Variants in B3GALNT1 observed in about 807,000 individuals in gnomAD.
B3GALNT1 encodes beta-1,3-N-acetylgalactosaminyltransferase 1 (Globoside blood group), also known as UDP-GalNAc:beta-1,3-N-acetylgalactosaminyltransferase 1.
Under a neutral mutation model 27.3 loss-of-function variants are expected in B3GALNT1, and 17 were observed. That is an observed-to-expected ratio of 0.62 (90% confidence interval 0.43 to 0.94). The LOEUF is 0.94. B3GALNT1 is among the 40% of genes least tolerant of loss of function. The pLI is 0.00. For synonymous variants in B3GALNT1, 141 were observed against 144.0 expected, an observed-to-expected ratio of 0.98 and a Z score of 0.15; for missense variants, 347 against 390.0, an observed-to-expected ratio of 0.89 and a Z score of 0.93.
At position 161,085,439 on chromosome 3, in the gene B3GALNT1, C is replaced by T. The variant is rs1286875938; in HGVS notation, c.*320G>A. 1.5e-5 allele frequency: 5 copies of T among 324,520 alleles called. No homozygotes were observed. The highest frequency in any genetic ancestry group is 2.9e-5 in the Non-Finnish European group (5 of 173,590). The allele number at this position is 324,520 out of a possible 1,614,324, so 20.1% of individuals were successfully genotyped here. A position where few individuals can be genotyped will look rare whatever the true frequency, so the allele number is the denominator to read the frequency against. On this transcript the variant is annotated 3_prime_UTR_variant, in exon 5 of 5. Transcript: ENST00000320474. The stretch of plus-strand genomic sequence containing the variant: ...CTCTACATTGTTTTGTTTTTACAGC[C>T]TAGTGAGCTTATAACTCAGTAACAC...
chr3:161,104,458 C>A lies in B3GALNT1; in HGVS notation c.-308-52G>T, dbSNP rs59776766. On this transcript the variant is annotated intron_variant, in intron 1 of 4. Transcript: ENST00000320474. Reference sequence around the variant, plus strand: ...TCATGAAAGCCCTGCAAATCTCCCTCCTAAATCCAACATTAAGAAGGCGAA... The same window carrying A: ...TCATGAAAGCCCTGCAAATCTCCCTACTAAATCCAACATTAAGAAGGCGAA... The A allele has an allele frequency of 9.3e-3, 8,042 of 860,684 alleles. 374 individuals are homozygous for A. The Admixed American group carries it at 0.11, about 12-fold the overall frequency. The allele number at this position is 860,684 out of a possible 1,614,324, so 53.3% of individuals were successfully genotyped here.
Position 161,091,861 on chromosome 3 carries a change from G to T in B3GALNT1, c.-34-5073C>A, listed in dbSNP as rs565770345. The stretch of plus-strand genomic sequence containing the variant: ...GACAGAATAAGAAAACTGTCATTTT[G>T]CAATCTTTCATGAAATTACTGATGA... On this transcript the variant is annotated intron_variant, in intron 4 of 4. Transcript: ENST00000320474. Among the ~76,000 whole-genome samples the T allele has an allele frequency of 3.3e-5, 5 of 152,236 alleles. No homozygotes were observed. In the East Asian group the frequency reaches 9.7e-4, roughly 29 times the overall value.
chr3:161,099,615 G>A (rs1404501987), intron 4 of B3GALNT1, among the ~76,000 whole-genome samples: 2 of 152,152 alleles, frequency 1.3e-5, no homozygotes, highest in African/African-American at 4.8e-5. Context: ...CAGAATTTTA[G>A]GACATTGGGC....
At chr3:161,088,693 C>T (rs368894410) in intron 4 of B3GALNT1, among the ~76,000 whole-genome samples, 7 of 152,316 alleles carry the variant, frequency 4.6e-5, no homozygotes, top group South Asian at 2.1e-4. Context: ...AACTCAGCCA[C>T]TAACGACTTG....
chr3:161,100,082 ATAAT>A (rs1431453068), intron 4 of B3GALNT1, among the ~76,000 whole-genome samples: 1 of 152,218 alleles, frequency 6.6e-6, no homozygotes, highest in African/African-American at 2.4e-5. Context: ...ATTATTTTGA[ATAAT>A]AAAATATGTA....
At chr3:161,101,016 T>A in intron 4 of B3GALNT1, 123 bp downstream of exon 4, 2 of 624,632 alleles carry the variant, frequency 3.2e-6, no homozygotes, top group Non-Finnish European at 5.0e-6. Flanking sequence ...GCCCTTCAAC[T>A]CCAAATGCCA....
At position 161,085,731 on chromosome 3, in the gene B3GALNT1, C is replaced by A. The variant is rs1721295141; in HGVS notation, c.*28G>T. ...TAACACTTTCCACAAAGTATCCTGTCCTTCTAGGCTTTTTGTAGAATGTGA... is the reference window on the plus strand; with the variant it reads ...TAACACTTTCCACAAAGTATCCTGTACTTCTAGGCTTTTTGTAGAATGTGA... On this transcript the variant is annotated 3_prime_UTR_variant, in exon 5 of 5. Transcript: ENST00000320474. The A allele has an allele frequency of 4.3e-6, 7 of 1,611,488 alleles. No individual in the cohort carries two copies. In the Middle Eastern group the frequency reaches 5.0e-4, roughly 114 times the overall value.
intron 3 of B3GALNT1, 161 bp downstream of exon 3, chr3:161,103,266 C>T (rs1193805588): frequency 4.0e-6 from 1 of 247,268 alleles, no homozygotes; most frequent in African/African-American, 2.3e-5. Context: ...AGTAGAGCTT[C>T]ACTCTTGAAT....
At chr3:161,088,698 G>A (rs577889111) in intron 4 of B3GALNT1, among the ~76,000 whole-genome samples, 8 of 152,182 alleles carry the variant, frequency 5.3e-5, no homozygotes, top group South Asian at 4.1e-4. Context: ...AGCCACTAAC[G>A]ACTTGTACAT....
intron 4 of B3GALNT1, among the ~76,000 whole-genome samples, chr3:161,087,835 T>C (rs1576660511): frequency 6.6e-6 from 1 of 152,100 alleles, no homozygotes; most frequent in East Asian, 1.9e-4. Context: ...GACCAGGCAC[T>C]AAGGAGACCA....
Position 161,084,752 on chromosome 3 carries a change from A to G in B3GALNT1, c.*1007T>C, listed in dbSNP as rs1332109587. Reference sequence around the variant, plus strand: ...AAACACAGGGCAGATTAATAATGCAACTTGGATCTTCACTCTTCTCTTTCC... The same window carrying G: ...AAACACAGGGCAGATTAATAATGCAGCTTGGATCTTCACTCTTCTCTTTCC... On this transcript the variant is annotated 3_prime_UTR_variant, in exon 5 of 5. Coordinates refer to ENST00000320474, the MANE Select transcript of B3GALNT1 (RefSeq NM_003781.4). 1 of 152,194 alleles carries G rather than the reference A, an allele frequency of 6.6e-6. No individual in the cohort carries two copies. Among genetic ancestry groups the G allele is most frequent in the African/African-American group, 2.4e-5 (1 of 41,462 alleles). The allele number at this position is 152,194 out of a possible 1,614,324, so 9.4% of individuals were successfully genotyped here.
intron 4 of B3GALNT1, among the ~76,000 whole-genome samples, chr3:161,097,796 T>C (rs973996336): frequency 1.3e-5 from 2 of 152,228 alleles, no homozygotes; most frequent in Non-Finnish European, 2.9e-5. Flanking sequence ...TTTCCAGCTG[T>C]AGTGCGTGTG....
Position 161,085,652 on chromosome 3 carries a change from G to T in B3GALNT1, c.*107C>A. The stretch of plus-strand genomic sequence containing the variant: ...TGGGTTTTTCATGAGTTTCAGTTCA[G>T]TGTAAGCCAGCACACTGACCTCCCC... On this transcript the variant is annotated 3_prime_UTR_variant, in exon 5 of 5. Coordinates refer to ENST00000320474, the MANE Select transcript of B3GALNT1 (RefSeq NM_003781.4). 2.4e-6 allele frequency: 3 copies of T among 1,256,204 alleles called. No individual in the cohort carries two copies. Among genetic ancestry groups the T allele is most frequent in the Non-Finnish European group, 3.5e-6 (3 of 862,550 alleles). The allele number at this position is 1,256,204 out of a possible 1,614,324, so 77.8% of individuals were successfully genotyped here. A position where few individuals can be genotyped will look rare whatever the true frequency, so the allele number is the denominator to read the frequency against.
intron 2 of B3GALNT1, 25 bp from the exon 3 acceptor site, chr3:161,103,542 A>T: frequency 1.0e-6 from 1 of 969,972 alleles, no homozygotes; most frequent in Non-Finnish European, 1.4e-6. Flanking sequence ...AGAAAAAAAT[A>T]TATATGAGTC....
chr3:161,093,519 A>G (rs1369300171), intron 4 of B3GALNT1, among the ~76,000 whole-genome samples: 1 of 152,166 alleles, frequency 6.6e-6, no homozygotes, highest in Non-Finnish European at 1.5e-5. Context: ...AAGGACCCCG[A>G]CACTGTTCTA....
rs34814722 is a variant in B3GALNT1, at chr3:161,093,306, A to G, written c.-34-6518T>C. Among the ~76,000 whole-genome samples the G allele has an allele frequency of 7.6e-3, 1,155 of 152,354 alleles. 22 individuals are homozygous for G. Among genetic ancestry groups the G allele is most frequent in the African/African-American group, 0.026 (1,092 of 41,574 alleles). On this transcript the variant is annotated intron_variant, in intron 4 of 4. Transcript: ENST00000320474. ...TCACATGTACTTTATAAATATGTAC[A>G]CTTATCAATCAATAAAAATATTTTT...
At chr3:161,101,421 C>T (rs997661894) in intron 3 of B3GALNT1, among the ~76,000 whole-genome samples, 188 bp from the exon 4 acceptor site, 12 of 152,162 alleles carry the variant, frequency 7.9e-5, no homozygotes, top group Non-Finnish European at 1.0e-4. Context: ...CTTTACTATT[C>T]TTCTTAGTTA....
At chr3:161,090,522 C>T (rs1190629828) in intron 4 of B3GALNT1, among the ~76,000 whole-genome samples, 1 of 151,950 alleles carries the variant, frequency 6.6e-6, no homozygotes, top group African/African-American at 2.4e-5. Context: ...ATAATACAGG[C>T]TACATTCTCT....
At position 161,092,763 on chromosome 3, in the gene B3GALNT1, C is replaced by T. The variant is rs200572492; in HGVS notation, c.-34-5975G>A. ...TTACCTTCTCAAAAGTTTCATTTTT[C>T]TTTTTTTTTTTTTTTTTTTTTGAGA... On this transcript the variant is annotated intron_variant, in intron 4 of 4. Coordinates refer to ENST00000320474, the MANE Select transcript of B3GALNT1 (RefSeq NM_003781.4). 5.8e-3 allele frequency among the ~76,000 whole-genome samples: 607 copies of T among 104,836 alleles called. 3 individuals are homozygous for T. Among genetic ancestry groups the T allele is most frequent in the African/African-American group, 0.02 (529 of 26,154 alleles). The allele number at this position is 104,836 out of a possible 152,430, so 68.8% of individuals were successfully genotyped here.
Sources: gnomAD v4.1 joint callset for allele counts (sites outside exome capture counted in the v4.1 genomes callset) on GRCh38, gnomAD v4.1.1 for gene constraint, MANE v1.5 for transcripts, NCBI Gene and HGNC (gene_info 2026-07-23, HGNC 2026-07-21) for gene names.